KCNIP4: variants seen among roughly 807,000 people sequenced by gnomAD.
KCNIP4 encodes the protein Kv channel-interacting protein 4.
In KCNIP4, 12 loss-of-function variants were observed where a neutral mutation model predicts 34.0. The ratio of observed to expected loss-of-function variants is 0.35; its 90% confidence interval spans 0.23 to 0.57. The LOEUF (loss-of-function observed/expected upper bound fraction) is 0.57. Among genes scored for constraint, KCNIP4 ranks in the 20% least tolerant of loss-of-function variants. KCNIP4 has a pLI of 0.83. For missense variants in KCNIP4, 238 were observed against 311.7 expected (o/e 0.76, Z 1.78); for synonymous variants, 124 against 102.2 (o/e 1.21, Z -1.29).
intron 1 of KCNIP4, among the ~76,000 whole-genome samples, chr4:21,786,707 A>G (rs556154440): frequency 6.6e-6 from 1 of 151,712 alleles, no homozygotes; most frequent in Admixed American, 6.6e-5. Flanking sequence ...AGCTGGGACT[A>G]CAGGCACCCG....
rs535269930 is a variant in KCNIP4, at chr4:21,056,585, T to G, written c.62-173876A>C. ...TGCCCTACATACACCCATTCTATATTCTGCATCCTTGTGCTTGACACTGAA... is the reference window on the plus strand; with the variant it reads ...TGCCCTACATACACCCATTCTATATGCTGCATCCTTGTGCTTGACACTGAA... On this transcript the variant is annotated intron_variant, in intron 1 of 8. Coordinates refer to ENST00000382152, the MANE Select transcript of KCNIP4 (RefSeq NM_025221.6). Among the ~76,000 whole-genome samples, 3 of 152,304 alleles carry G rather than the reference T, an allele frequency of 2.0e-5. No homozygotes were observed. In the East Asian group the frequency reaches 5.8e-4, roughly 29 times the overall value.
rs569309053 is a variant in KCNIP4, at chr4:21,022,903, G to A, written c.62-140194C>T. 1.4e-4 allele frequency among the ~76,000 whole-genome samples: 21 copies of A among 151,802 alleles called. 1 individual carries two copies. The South Asian group carries it at 3.6e-3, about 26-fold the overall frequency. ...TGCAGTGGTGTGATCTCGGCTCACT[G>A]CAACCTCCACCTCCCAGATTCAAGC... On this transcript the variant is annotated intron_variant, in intron 1 of 8. Transcript: ENST00000382152.
At chr4:21,731,414 G>T (rs1466773772) in intron 1 of KCNIP4, among the ~76,000 whole-genome samples, 1 of 152,130 alleles carries the variant, frequency 6.6e-6, no homozygotes, top group African/African-American at 2.4e-5. Context: ...TGGAGGAGGA[G>T]GGGGTGAAAA....
At chr4:21,807,113 C>T (rs949345031) in intron 1 of KCNIP4, among the ~76,000 whole-genome samples, 1 of 152,016 alleles carries the variant, frequency 6.6e-6, no homozygotes, top group Non-Finnish European at 1.5e-5. Context: ...CCTTCACATG[C>T]ACAGTTCACA....
chr4:21,112,597 T>C (rs1749315851), intron 1 of KCNIP4, among the ~76,000 whole-genome samples: 1 of 152,226 alleles, frequency 6.6e-6, no homozygotes, highest in South Asian at 2.1e-4. Flanking sequence ...GCTGTGATTC[T>C]TGATACTGAC....
chr4:21,173,458 G>T (rs554241272), intron 1 of KCNIP4, among the ~76,000 whole-genome samples: 1 of 152,280 alleles, frequency 6.6e-6, no homozygotes, highest in African/African-American at 2.4e-5. Context: ...CAATAGCAGA[G>T]CAGTTCAGGG....
At chr4:21,090,327 T>A (rs976789628) in intron 1 of KCNIP4, among the ~76,000 whole-genome samples, 1 of 152,284 alleles carries the variant, frequency 6.6e-6, no homozygotes, top group African/African-American at 2.4e-5. Flanking sequence ...ATTGAATGAA[T>A]GAGGAAGTGG....
intron 1 of KCNIP4, among the ~76,000 whole-genome samples, chr4:21,670,929 T>C (rs1749449255): frequency 6.6e-6 from 1 of 152,076 alleles, no homozygotes; most frequent in South Asian, 2.1e-4. Flanking sequence ...GTGCTGGGAT[T>C]ACAGGTGTGA....
At chr4:20,948,561 C>T (rs1732441651) in intron 1 of KCNIP4, among the ~76,000 whole-genome samples, 1 of 152,190 alleles carries the variant, frequency 6.6e-6, no homozygotes, top group Admixed American at 6.5e-5. Flanking sequence ...CAAATGGCCT[C>T]ACATTCTGTG....
At chr4:20,735,383 A>G (rs1208532071) in intron 5 of KCNIP4, among the ~76,000 whole-genome samples, 1 of 152,208 alleles carries the variant, frequency 6.6e-6, no homozygotes, top group African/African-American at 2.4e-5. Flanking sequence ...GGATTAAAAA[A>G]GAGGCTGCTT....
At chr4:20,787,315 G>C (rs1712135776) in intron 3 of KCNIP4, among the ~76,000 whole-genome samples, 1 of 152,114 alleles carries the variant, frequency 6.6e-6, no homozygotes, top group Non-Finnish European at 1.5e-5. Context: ...TTATTTTTTA[G>C]GTGGTTTTAT....
intron 1 of KCNIP4, among the ~76,000 whole-genome samples, chr4:21,097,085 A>G (rs1187471298): frequency 6.6e-6 from 1 of 152,190 alleles, no homozygotes; most frequent in Non-Finnish European, 1.5e-5. Context: ...CACCAATTCC[A>G]TTTCTAGCTA....
intron 1 of KCNIP4, among the ~76,000 whole-genome samples, chr4:21,654,930 A>T (rs79229621): frequency 1.3e-5 from 2 of 152,072 alleles, no homozygotes; most frequent in African/African-American, 4.8e-5. Flanking sequence ...TCTCAAAAAA[A>T]AAAGGAAAGA....
At chr4:21,862,506 A>C (rs61487675) in intron 1 of KCNIP4, among the ~76,000 whole-genome samples, 12,976 of 152,260 alleles carry the variant, frequency 0.085, 1,852 homozygotes, top group African/African-American at 0.3. Flanking sequence ...AGAATAGGGA[A>C]TGCTGATGGG....
At chr4:21,857,420 T>C (rs113071040) in intron 1 of KCNIP4, among the ~76,000 whole-genome samples, 100 of 152,104 alleles carry the variant, frequency 6.6e-4, no homozygotes, top group African/African-American at 2.4e-3. Flanking sequence ...GGAGAGGAGC[T>C]ACCCACACCA....
chr4:21,484,934 C>T (rs903949512), intron 1 of KCNIP4, among the ~76,000 whole-genome samples: 3 of 152,226 alleles, frequency 2.0e-5, no homozygotes, highest in Admixed American at 1.3e-4. Flanking sequence ...ATAGGTCACA[C>T]ACATAGTGTT....
intron 5 of KCNIP4, 59 bp from the exon 6 acceptor site, chr4:20,734,794 AAAC>A: frequency 1.1e-6 from 1 of 951,224 alleles, no homozygotes; most frequent in Admixed American, 2.7e-5. Context: ...AAAACAAAAA[AAAC>A]AAATGATGTA....
intron 1 of KCNIP4, among the ~76,000 whole-genome samples, chr4:20,945,084 G>T (rs1325413128): frequency 1.3e-5 from 2 of 152,106 alleles, no homozygotes; most frequent in African/African-American, 4.8e-5. Flanking sequence ...AGTCCATTTG[G>T]TTCCAATGTC....
rs114495304 is a variant in KCNIP4 at position 21,610,255 on chromosome 4, C to T, written c.61+338316G>A. 6.9e-3 allele frequency among the ~76,000 whole-genome samples: 1,045 copies of T among 152,310 alleles called. 9 individuals are homozygous for T. The highest frequency in any genetic ancestry group is 0.024 in the African/African-American group (982 of 41,564). On this transcript the variant is annotated intron_variant, in intron 1 of 8. Coordinates refer to ENST00000382152, the MANE Select transcript of KCNIP4 (RefSeq NM_025221.6). The stretch of plus-strand genomic sequence containing the variant: ...GGCTAGACATCCAAAATCAAGATGT[C>T]AGTGGGGTAGGTTACTTCTGCAGAC...
Sources: gnomAD v4.1 joint callset for allele counts (sites outside exome capture counted in the v4.1 genomes callset) on GRCh38, gnomAD v4.1.1 for gene constraint, MANE v1.5 for transcripts, NCBI Gene and HGNC (gene_info 2026-07-23, HGNC 2026-07-21) for gene names.